TMEM132C: variants seen among roughly 807,000 people sequenced by gnomAD.
The protein encoded by TMEM132C is transmembrane protein 132C, also known as protein phosphatase 1, regulatory subunit 152.
In TMEM132C, 29 loss-of-function variants were observed where a neutral mutation model predicts 61.4. That is an observed-to-expected ratio of 0.47 (90% confidence interval 0.35 to 0.64). TMEM132C has a LOEUF of 0.64. TMEM132C is among the 30% of genes least tolerant of loss of function. The pLI is 0.00. For missense variants in TMEM132C, 1,408 were observed against 1,476.9 expected (o/e 0.95, Z 0.76); for synonymous variants, 656 against 633.1 (o/e 1.04, Z -0.54).
At chr12:128,267,679 T>C (rs1870356102) in intron 1 of TMEM132C, among the ~76,000 whole-genome samples, 192 bp downstream of exon 1, 1 of 152,082 alleles carries the variant, frequency 6.6e-6, no homozygotes, top group Non-Finnish European at 1.5e-5. Flanking sequence ...GGCGCCGGGA[T>C]CCGGGCAAGT....
At chr12:128,392,294 A>C (rs940584074) in intron 1 of TMEM132C, among the ~76,000 whole-genome samples, 7 of 152,206 alleles carry the variant, frequency 4.6e-5, no homozygotes, top group Non-Finnish European at 1.0e-4. Flanking sequence ...TTTACAAGTG[A>C]GGAACTGCAC....
At chr12:128,346,678 G>T (rs931601371) in intron 1 of TMEM132C, among the ~76,000 whole-genome samples, 6 of 152,102 alleles carry the variant, frequency 3.9e-5, no homozygotes, top group South Asian at 2.1e-4. Flanking sequence ...ATGGGAATAG[G>T]TTCCTGATTT....
At chr12:128,453,722 G>A (rs1340533580) in intron 2 of TMEM132C, among the ~76,000 whole-genome samples, 3 of 152,200 alleles carry the variant, frequency 2.0e-5, no homozygotes, top group African/African-American at 4.8e-5. Context: ...AGAAAAAAGT[G>A]GATGACTCTG....
At chr12:128,562,233 G>A (rs1874548100) in intron 3 of TMEM132C, among the ~76,000 whole-genome samples, 3 of 152,300 alleles carry the variant, frequency 2.0e-5, no homozygotes, top group African/African-American at 7.2e-5. Flanking sequence ...TGTGGTTCAG[G>A]AGAAAACGTA....
At chr12:128,394,244 C>T (rs934875447) in intron 1 of TMEM132C, among the ~76,000 whole-genome samples, 5 of 152,242 alleles carry the variant, frequency 3.3e-5, no homozygotes, top group Middle Eastern at 3.4e-3. Flanking sequence ...AATTATCTCC[C>T]GCCAGGTCCC....
intron 3 of TMEM132C, among the ~76,000 whole-genome samples, chr12:128,557,032 T>C (rs2136160143): frequency 1.3e-5 from 2 of 152,348 alleles, no homozygotes; most frequent in Middle Eastern, 6.8e-3. Flanking sequence ...GTTCAACTAC[T>C]TGCCAAGCCC....
chr12:128,639,096 GTGT>G (rs1954129091), intron 4 of TMEM132C, among the ~76,000 whole-genome samples: 1 of 147,208 alleles, frequency 6.8e-6, no homozygotes, highest in South Asian at 2.2e-4. Context: ...GATGATGATG[GTGT>G]TGATAATGAC....
chr12:128,267,422 C>G lies in TMEM132C; in HGVS notation c.20C>G (p.Ala7Gly). 2 of 1,232,116 alleles carry G rather than the reference C, an allele frequency of 1.6e-6. No homozygotes were observed. The highest frequency in any genetic ancestry group is 3.2e-4 in the Middle Eastern group (1 of 3,128). 76.3% of individuals were successfully genotyped at this position (1,232,116 alleles called of 1,614,324 possible). A position where few individuals can be genotyped will look rare whatever the true frequency, so the allele number is the denominator to read the frequency against. MRSEGAAPGPAAPLCGA... is the reference protein window; with the variant it reads MRSEGAGPGPAAPLCGA... The stretch of plus-strand genomic sequence containing the variant: ...CGCAGGATGCGCTCCGAGGGTGCGG[C>G]CCCCGGGCCGGCGGCGCCGCTGTGC... Residue 7 changes from alanine (A) to glycine (G), a missense_variant, in exon 1 of 9, where the codon GCC (alanine) becomes GGC (glycine). Physicochemically the swap from Ala to Gly is moderately conservative, Grantham distance 60. Coordinates refer to ENST00000435159, the MANE Select transcript of TMEM132C (RefSeq NM_001136103.3).
At chr12:128,524,882 C>A (rs1315792135) in intron 2 of TMEM132C, among the ~76,000 whole-genome samples, 2 of 152,264 alleles carry the variant, frequency 1.3e-5, no homozygotes, top group South Asian at 2.1e-4. Context: ...CTTTCTTATC[C>A]CTGCTTTGCC....
chr12:128,455,558 T>C (rs1870312129), intron 2 of TMEM132C, among the ~76,000 whole-genome samples: 1 of 152,208 alleles, frequency 6.6e-6, no homozygotes, highest in Non-Finnish European at 1.5e-5. Context: ...GTAAACGTGT[T>C]CAGGAGAGAG....
Position 128,683,970 on chromosome 12 carries a change from TTAAATAAA to T in TMEM132C, c.1450-9825_1450-9818del, listed in dbSNP as rs5741714. Among the ~76,000 whole-genome samples, 762 of 147,562 alleles carry T rather than the reference TTAAATAAA, an allele frequency of 5.2e-3. 5 individuals carry two copies. Among genetic ancestry groups the T allele is most frequent in the Middle Eastern group, 6.8e-3 (2 of 292 alleles). ...AACAAGAGCAAAACTCTGTTTGAAA[TTAAATAAA>T]TAAATAAATAAATAAATAAATAAAT... On this transcript the variant is annotated intron_variant, in intron 5 of 8. Coordinates refer to ENST00000435159, the MANE Select transcript of TMEM132C (RefSeq NM_001136103.3).
At chr12:128,269,859 G>C (rs73152899) in intron 1 of TMEM132C, among the ~76,000 whole-genome samples, 167 of 151,708 alleles carry the variant, frequency 1.1e-3, no homozygotes, top group Non-Finnish European at 2.1e-3. Flanking sequence ...CCTGCACACG[G>C]ATTTAAGTGC....
intron 1 of TMEM132C, among the ~76,000 whole-genome samples, chr12:128,269,625 A>G (rs760654014): frequency 6.6e-6 from 1 of 152,024 alleles, no homozygotes; most frequent in Non-Finnish European, 1.5e-5. Flanking sequence ...TTTGCTTTAC[A>G]AAGTTCACCA....
At chr12:128,650,794 A>G (rs917723514) in intron 4 of TMEM132C, among the ~76,000 whole-genome samples, 1 of 152,192 alleles carries the variant, frequency 6.6e-6, no homozygotes, top group Non-Finnish European at 1.5e-5. Flanking sequence ...ATGGTCACTC[A>G]TAGGGCACCT....
At chr12:128,578,803 C>T (rs1158541962) in intron 3 of TMEM132C, among the ~76,000 whole-genome samples, 6 of 152,006 alleles carry the variant, frequency 3.9e-5, no homozygotes, top group African/African-American at 4.8e-5. Flanking sequence ...TCGCCATGTT[C>T]GTCAGGCTGG....
chr12:128,431,365 A>G (rs1869381206), intron 2 of TMEM132C, among the ~76,000 whole-genome samples: 1 of 152,178 alleles, frequency 6.6e-6, no homozygotes, highest in South Asian at 2.1e-4. Context: ...AGGCTAATGG[A>G]AAGAAATCAT....
At chr12:128,440,913 G>C (rs866489580) in intron 2 of TMEM132C, among the ~76,000 whole-genome samples, 1 of 152,102 alleles carries the variant, frequency 6.6e-6, no homozygotes, top group African/African-American at 2.4e-5. Context: ...TCCAGGCGTC[G>C]TGGTGTAGTC....
chr12:128,300,808 G>A (rs528162081), intron 1 of TMEM132C, among the ~76,000 whole-genome samples: 27 of 152,256 alleles, frequency 1.8e-4, no homozygotes, highest in Admixed American at 8.5e-4. Context: ...AGACGTAAGC[G>A]GGAGGATTGT....
chr12:128,342,887 G>A (rs529457022), intron 1 of TMEM132C, among the ~76,000 whole-genome samples: 11 of 152,200 alleles, frequency 7.2e-5, no homozygotes, highest in Non-Finnish European at 1.5e-4. Flanking sequence ...CTGCCTGTGC[G>A]GTGCATTTGC....
Sources: gnomAD v4.1 joint callset for allele counts (sites outside exome capture counted in the v4.1 genomes callset) on GRCh38, gnomAD v4.1.1 for gene constraint, MANE v1.5 for transcripts, NCBI Gene and HGNC (gene_info 2026-07-23, HGNC 2026-07-21) for gene names.